ANKAR: variants seen among roughly 807,000 people sequenced by gnomAD.
ANKAR encodes ankyrin and armadillo repeat-containing protein.
A neutral mutation model predicts 146.2 loss-of-function variants in ANKAR; 136 were observed. The ratio of observed to expected loss-of-function variants is 0.93; its 90% confidence interval spans 0.81 to 1.07. The LOEUF is 1.07. Ranked by LOEUF, ANKAR falls within the 50% of genes least tolerant of loss-of-function variation. The probability of loss-of-function intolerance (pLI) is 0.00; values close to 1 mark genes in which losing one functional copy is unlikely to be tolerated. For missense variants in ANKAR, 1,567 were observed against 1,679.9 expected, an observed-to-expected ratio of 0.93 and a Z score of 1.18; for synonymous variants, 500 against 575.8, an observed-to-expected ratio of 0.87 and a Z score of 1.88.
At chr2:189,709,536 T>TA (rs1221294234) in intron 9 of ANKAR, among the ~76,000 whole-genome samples, 1 of 152,044 alleles carries the variant, frequency 6.6e-6, no homozygotes, top group Non-Finnish European at 1.5e-5. Flanking sequence ...TTGATAAAAA[T>TA]AAAAAACTAA....
intron 12 of ANKAR, 130 bp downstream of exon 12, chr2:189,720,917 AC>A: frequency 1.5e-6 from 1 of 653,338 alleles, no homozygotes; most frequent in Non-Finnish European, 2.3e-6. Context: ...GTGTAATATA[AC>A]CTTAATATCC....
At chr2:189,744,443 AC>A (rs902172481) in intron 21 of ANKAR, among the ~76,000 whole-genome samples, 3 of 152,162 alleles carry the variant, frequency 2.0e-5, no homozygotes, top group African/African-American at 7.2e-5. Flanking sequence ...AGAAAAATAT[AC>A]CCCTTTCTCA....
Position 189,744,743 on chromosome 2 carries a change from C to G in ANKAR, c.4012C>G (p.Leu1338Val), listed in dbSNP as rs1252079368. The stretch of plus-strand genomic sequence containing the variant: ...ATGACAAAAATGTTTTCCTTTTAGT[C>G]TGGAGAAGAATGGAGGACCATCCAT... Reference protein sequence around the residue: ...QTLVGLPSLSLEKNGGPSIIP... With the variant: ...QTLVGLPSLSVEKNGGPSIIP... Residue 1338 changes from leucine (L) to valine (V), a missense_variant and splice_region_variant, in exon 22 of 23, where the codon CTG (leucine) becomes GTG (valine). By Grantham distance (32) the Leu-to-Val change is conservative. Coordinates refer to ENST00000684021, the MANE Select transcript of ANKAR (RefSeq NM_001378068.1). The G allele has an allele frequency of 3.1e-6, 5 of 1,589,988 alleles. No individual in the cohort carries two copies. Among genetic ancestry groups the G allele is most frequent in the Admixed American group, 1.7e-5 (1 of 58,358 alleles).
Position 189,743,328 on chromosome 2 carries a change from T to C in ANKAR, c.3864T>C (p.Ala1288=). Residue 1288 remains alanine, a synonymous_variant, in exon 21 of 23, where the codon GCT becomes GCC. Transcript: ENST00000684021. ...GCTACTTAACATACAATGCAAATGC[T>C]TTCCGCATCCTATTAAAAGAATGCA... ...ALGYLTYNAN[A]FRILLKECRN... 6.2e-7 allele frequency: 1 copy of C among 1,614,056 alleles called. No individual in the cohort carries two copies. Among genetic ancestry groups the C allele is most frequent in the South Asian group, 1.1e-5 (1 of 91,068 alleles).
At chr2:189,704,544 CAT>C (rs10578902) in intron 7 of ANKAR, among the ~76,000 whole-genome samples, 531 of 36,092 alleles carry the variant, frequency 0.015, 6 homozygotes, top group Middle Eastern at 0.021. Context: ...CCTTTGTTAA[CAT>C]ATATATATAT....
At chr2:189,761,774 T>G, downstream of ANKAR, 1 of 1,092,136 alleles carries the variant, frequency 9.2e-7, no homozygotes, top group Non-Finnish European at 1.3e-6. Context: ...ACCAAAAGTT[T>G]GTAAAGGCTA....
chr2:189,724,304 A>G (rs74452848), intron 12 of ANKAR, among the ~76,000 whole-genome samples: 2 of 152,178 alleles, frequency 1.3e-5, no homozygotes, highest in Non-Finnish European at 2.9e-5. Context: ...AAAGTTGATC[A>G]TATCTTCTTC....
intron 7 of ANKAR, among the ~76,000 whole-genome samples, chr2:189,700,391 CT>C (rs925857964): frequency 3.9e-5 from 6 of 151,944 alleles, no homozygotes; most frequent in African/African-American, 9.7e-5. Flanking sequence ...GGATTGTTTT[CT>C]TTTTAAAATA....
Position 189,743,455 on chromosome 2 carries a change from G to T in ANKAR, c.3991G>T (p.Val1331Leu). 1 of 1,613,630 alleles carries T rather than the reference G, an allele frequency of 6.2e-7. No homozygotes were observed. Among genetic ancestry groups the T allele is most frequent in the Non-Finnish European group, 8.5e-7 (1 of 1,179,750 alleles). Residue 1331 changes from valine (V) to leucine (L), a missense_variant, in exon 21 of 23, where the codon GTG becomes TTG. By Grantham distance (32) the Val-to-Leu change is conservative. Coordinates refer to ENST00000684021, the MANE Select transcript of ANKAR (RefSeq NM_001378068.1). ...LKEFQMQQTLVGLPSLSLEKN... is the reference protein window; with the variant it reads ...LKEFQMQQTLLGLPSLSLEKN... ...GGAATTTCAAATGCAACAAACACTGGTGGGACTTCCTTCCTTAAGGTATGG... is the reference window on the plus strand; with the variant it reads ...GGAATTTCAAATGCAACAAACACTGTTGGGACTTCCTTCCTTAAGGTATGG...
chr2:189,756,809 C>T (rs1301804459), intron 18 of ANKAR, among the ~76,000 whole-genome samples: 1 of 152,156 alleles, frequency 6.6e-6, no homozygotes, highest in East Asian at 1.9e-4. Context: ...GTCCTTTGAT[C>T]CTTAGAGCCC....
chr2:189,730,413 A>C, intron 15 of ANKAR, 82 bp from the exon 16 acceptor site: 2 of 795,478 alleles, frequency 2.5e-6, no homozygotes, highest in Admixed American at 6.0e-5. Context: ...ATGCTTTGTC[A>C]ACCCAAAATA....
intron 15 of ANKAR, 77 bp downstream of exon 15, chr2:189,728,898 T>C (rs2042136487): frequency 3.7e-6 from 5 of 1,358,520 alleles, no homozygotes; most frequent in Non-Finnish European, 5.1e-6. Context: ...GAAATTAATC[T>C]CTCTTCCTCT....
At chr2:189,750,503 A>G (rs1262579107), downstream of ANKAR, 27 of 748,326 alleles carry the variant, frequency 3.6e-5, no homozygotes, top group Non-Finnish European at 6.0e-5. Flanking sequence ...ATCTTCTACA[A>G]TTTGATACAC....
chr2:189,738,533 T>C, intron 18 of ANKAR, 32 bp from the exon 19 acceptor site: 3 of 1,341,928 alleles, frequency 2.2e-6, no homozygotes, highest in Non-Finnish European at 3.1e-6. Flanking sequence ...TAGAAAATGT[T>C]CAAAGACTCT....
intron 2 of ANKAR, among the ~76,000 whole-genome samples, chr2:189,679,834 A>G (rs1050596675): frequency 3.3e-5 from 5 of 152,104 alleles, no homozygotes; most frequent in African/African-American, 1.2e-4. Context: ...TATCTTTCTG[A>G]TATGCTGTCA....
intron 10 of ANKAR, 49 bp downstream of exon 10, chr2:189,711,202 ATATTT>A (rs2039641345): frequency 7.5e-7 from 1 of 1,330,632 alleles, no homozygotes; most frequent in Non-Finnish European, 1.0e-6. Context: ...ATGTAGAGCT[ATATTT>A]TATTCATCAG....
At chr2:189,754,364 T>G in intron 18 of ANKAR, 1 of 1,571,602 alleles carries the variant, frequency 6.4e-7, no homozygotes, top group Non-Finnish European at 8.6e-7. Flanking sequence ...GAAACATATT[T>G]TTTAGAGTCA....
chr2:189,753,117 T>G (rs1195066391), intron 18 of ANKAR: 7 of 652,146 alleles, frequency 1.1e-5, no homozygotes, highest in Non-Finnish European at 1.7e-5. Context: ...AGATGACATA[T>G]CTATGTAATA....
chr2:189,743,534 G>C, intron 21 of ANKAR, 60 bp downstream of exon 21: 1 of 1,431,906 alleles, frequency 7.0e-7, no homozygotes, highest in Non-Finnish European at 9.7e-7. Context: ...ACTTTAATGA[G>C]GTTTAGTAAG....
Sources: allele counts gnomAD v4.1 joint callset (sites outside exome capture counted in the v4.1 genomes callset), GRCh38; gene constraint gnomAD v4.1.1; transcripts MANE v1.5; gene names NCBI Gene and HGNC (gene_info 2026-07-23, HGNC 2026-07-21).